Variants in MCC observed in about 807,000 individuals in gnomAD.
The protein encoded by MCC is MCC regulator of Wnt signaling pathway.
Under a neutral mutation model 116.2 loss-of-function variants are expected in MCC, and 90 were observed. The ratio of observed to expected loss-of-function variants is 0.77; its 90% CI spans 0.65 to 0.92. MCC has a LOEUF of 0.92. Ranked by LOEUF, MCC falls within the 40% of genes least tolerant of loss-of-function variation. MCC has a pLI of 0.00. For synonymous variants in MCC, 578 were observed against 510.5 expected (o/e 1.13, Z -1.78); for missense variants, 1,516 against 1,312.2 (o/e 1.16, Z -2.40).
intron 3 of MCC, among the ~76,000 whole-genome samples, chr5:113,314,421 T>C (rs1561520463): frequency 6.6e-6 from 1 of 152,206 alleles, no homozygotes; most frequent in Non-Finnish European, 1.5e-5. Context: ...AAAGGGCATG[T>C]AAATGCTGTT....
intron 17 of MCC, among the ~76,000 whole-genome samples, chr5:113,037,316 A>G (rs192730774): frequency 6.6e-6 from 1 of 152,280 alleles, no homozygotes; most frequent in Non-Finnish European, 1.5e-5. Context: ...GAACTTGGAC[A>G]TGGATTTGAA....
chr5:113,275,970 G>GTTT (rs34159294), intron 3 of MCC, among the ~76,000 whole-genome samples: 2 of 130,482 alleles, frequency 1.5e-5, no homozygotes, highest in Non-Finnish European at 3.4e-5. Flanking sequence ...CACTTGTTTT[G>GTTT]TTTTTTTTTT....
intron 3 of MCC, among the ~76,000 whole-genome samples, chr5:113,164,979 C>T (rs770908228): frequency 3.9e-5 from 6 of 152,164 alleles, no homozygotes; most frequent in Admixed American, 2.0e-4. Context: ...GCCAAAAAGG[C>T]GCTGTTCTAC....
chr5:113,049,215 C>T lies in MCC; in HGVS notation c.2533G>A (p.Ala845Thr). The change falls in exon 16 of 19, where the codon GCC (alanine) becomes ACC (threonine). Residue 845 changes from alanine to threonine, a missense_variant. Physicochemically the swap from Ala to Thr is moderately conservative, Grantham distance 58. Coordinates refer to ENST00000408903, the MANE Select transcript of MCC (RefSeq NM_001085377.2). ...TGCACCAGGTAGGCCTGCTCCTGGG[C>T]CTCCCGCGTGCTCAGCTTCAGCTCC... ...ALELKLSTRE[A>T]QEQAYLVHIE... 2 of 1,614,070 alleles carry T rather than the reference C, an allele frequency of 1.2e-6. No homozygotes were observed. Among genetic ancestry groups the T allele is most frequent in the Non-Finnish European group, 1.7e-6 (2 of 1,180,002 alleles).
At chr5:113,455,576 T>C (rs1193737452) in intron 1 of MCC, among the ~76,000 whole-genome samples, 1 of 152,226 alleles carries the variant, frequency 6.6e-6, no homozygotes, top group Non-Finnish European at 1.5e-5. Context: ...AAAGCCCTTT[T>C]CCAAATCTCT....
chr5:113,333,706 T>G (rs2150375675), intron 3 of MCC, among the ~76,000 whole-genome samples: 1 of 147,588 alleles, frequency 6.8e-6, no homozygotes, highest in African/African-American at 2.6e-5. Flanking sequence ...GAAAAACTCA[T>G]GAAACAGTGC....
At chr5:113,265,869 A>G (rs1765399500) in intron 3 of MCC, among the ~76,000 whole-genome samples, 1 of 152,188 alleles carries the variant, frequency 6.6e-6, no homozygotes, top group African/African-American at 2.4e-5. Flanking sequence ...TCTAAGTGTA[A>G]CAGTGTAAAT....
intron 5 of MCC, among the ~76,000 whole-genome samples, chr5:113,127,145 G>A (rs1758100971): frequency 6.6e-6 from 1 of 152,140 alleles, no homozygotes; most frequent in South Asian, 2.1e-4. Flanking sequence ...AAGGTTAATA[G>A]CCTCTGGCTC....
intron 14 of MCC, among the ~76,000 whole-genome samples, chr5:113,060,123 C>G (rs4705765): frequency 0.98 from 149,664 of 152,276 alleles, 73,562 homozygotes; most frequent in East Asian, 1. Context: ...GCTGAGATCT[C>G]ATTTCCATCA....
At chr5:113,223,391 T>C (rs1763620974) in intron 3 of MCC, among the ~76,000 whole-genome samples, 1 of 152,244 alleles carries the variant, frequency 6.6e-6, no homozygotes. Flanking sequence ...GAAAAGTACC[T>C]GTTCCCCTTG....
At chr5:113,352,169 A>T (rs1221475112) in intron 2 of MCC, among the ~76,000 whole-genome samples, 1 of 152,144 alleles carries the variant, frequency 6.6e-6, no homozygotes, top group Non-Finnish European at 1.5e-5. Context: ...ATCTGTCTTC[A>T]TGTTAAATTT....
intron 2 of MCC, among the ~76,000 whole-genome samples, chr5:113,362,813 T>C (rs557784454): frequency 6.6e-6 from 1 of 152,288 alleles, no homozygotes; most frequent in East Asian, 1.9e-4. Context: ...TCAAAAATCT[T>C]TGAAATTTCC....
chr5:113,067,961 C>T, intron 13 of MCC, 119 bp downstream of exon 13: 1 of 823,186 alleles, frequency 1.2e-6, no homozygotes, highest in South Asian at 1.5e-5. Context: ...ACGAAAAACA[C>T]ACTTGACAAC....
At chr5:113,227,645 C>T (rs1198788725) in intron 3 of MCC, among the ~76,000 whole-genome samples, 1 of 152,076 alleles carries the variant, frequency 6.6e-6, no homozygotes, top group Non-Finnish European at 1.5e-5. Context: ...GACAGTAGAA[C>T]ATAAGCATGT....
intron 11 of MCC, 122 bp downstream of exon 11, chr5:113,082,738 A>G: frequency 8.2e-7 from 1 of 1,220,988 alleles, no homozygotes; most frequent in Non-Finnish European, 1.1e-6. Flanking sequence ...CATCCCCACC[A>G]GCCTGACGGT....
chr5:113,309,579 T>C (rs1767087611), intron 3 of MCC, among the ~76,000 whole-genome samples: 1 of 152,100 alleles, frequency 6.6e-6, no homozygotes, highest in Non-Finnish European at 1.5e-5. Context: ...TATTCCATTA[T>C]ATCTACACAT....
chr5:113,197,960 T>TA (rs1194875072), intron 3 of MCC, among the ~76,000 whole-genome samples: 1 of 152,214 alleles, frequency 6.6e-6, no homozygotes, highest in East Asian at 1.9e-4. Context: ...GTGTGTCTGA[T>TA]AAGCATCTCA....
chr5:113,077,014 C>CT (rs1410833294), intron 11 of MCC, among the ~76,000 whole-genome samples: 1 of 152,098 alleles, frequency 6.6e-6, no homozygotes, highest in Non-Finnish European at 1.5e-5. Context: ...ATCCTAGTCT[C>CT]TGATAAAACA....
At chr5:113,075,444 G>A (rs752511297) in intron 11 of MCC, among the ~76,000 whole-genome samples, 1 of 152,356 alleles carries the variant, frequency 6.6e-6, no homozygotes, top group Non-Finnish European at 1.5e-5. Context: ...GGACTGGCGG[G>A]CAGCTCCGCC....
Sources: gnomAD v4.1 joint callset for allele counts (sites outside exome capture counted in the v4.1 genomes callset) on GRCh38, gnomAD v4.1.1 for gene constraint, MANE v1.5 for transcripts, NCBI Gene and HGNC (gene_info 2026-07-23, HGNC 2026-07-21) for gene names.